KCNQ1OT1: variants seen among roughly 807,000 people sequenced by gnomAD.
KCNQ1OT1 encodes KCNQ1 opposite strand/antisense transcript 1.
rs180782813 is a variant in KCNQ1OT1, at chr11:2,652,693, G to T, written n.47302C>A. 107 of 398,864 alleles carry T rather than the reference G, an allele frequency of 2.7e-4. No homozygotes were observed. The highest frequency in any genetic ancestry group is 1.8e-3 in the African/African-American group (88 of 48,756). The allele number at this position is 398,864 out of a possible 1,614,324, so 24.7% of individuals were successfully genotyped here. A position where few individuals can be genotyped will look rare whatever the true frequency, so the allele number is the denominator to read the frequency against. On this transcript the variant is annotated non_coding_transcript_exon_variant, in exon 1 of 1. Transcript: ENST00000597346. This position sits in a 1 kb window ranked among gnomAD's most constrained non-coding sequence, Gnocchi z 5.9. ...CGATTTTAGTTGTGTGGGTGGCTGT[G>T]TTGCTCTCTTTCCGTTTCCTGGGCT...
chr11:2,697,683 T>C (rs1478425994), exon 1 of KCNQ1OT1: 1 of 398,534 alleles, frequency 2.5e-6, no homozygotes, highest in Non-Finnish European at 4.4e-6. Flanking sequence ...ATAAAGTTTC[T>C]GATATTGGAT....
rs1850025895 is a variant in KCNQ1OT1, at chr11:2,664,425, G to A, written n.35570C>T. ...GAGAGTGGGCACGTACAGTGTCAGG[G>A]CCTAGGAACCCAGGCTCCTCTGGGA... On this transcript the variant is annotated non_coding_transcript_exon_variant, in exon 1 of 1. Coordinates refer to ENST00000597346, the Ensembl canonical transcript of KCNQ1OT1. The surrounding 1 kb of genome is among the most constrained non-coding windows in gnomAD (Gnocchi z 5.1). 2 of 398,524 alleles carry A rather than the reference G, an allele frequency of 5.0e-6. No homozygotes were observed. The highest frequency in any genetic ancestry group is 4.4e-5 in the Admixed American group (1 of 22,718). The allele number at this position is 398,524 out of a possible 1,614,324, so 24.7% of individuals were successfully genotyped here.
chr11:2,657,514 C>T lies in KCNQ1OT1; in HGVS notation n.42481G>A, dbSNP rs1288114551. On this transcript the variant is annotated non_coding_transcript_exon_variant, in exon 1 of 1. Coordinates refer to ENST00000597346, the Ensembl canonical transcript of KCNQ1OT1. The surrounding 1 kb of genome is among the most constrained non-coding windows in gnomAD (Gnocchi z 4.8). ...ACATTTTTTATTTACAGAAGAGAAACAAAAATAGTACCGAGTACCCACATC... is the reference window on the plus strand; with the variant it reads ...ACATTTTTTATTTACAGAAGAGAAATAAAAATAGTACCGAGTACCCACATC... 1 of 398,360 alleles carries T rather than the reference C, an allele frequency of 2.5e-6. No individual in the cohort carries two copies. Among genetic ancestry groups the T allele is most frequent in the East Asian group, 3.6e-5 (1 of 28,058 alleles). 24.7% of individuals were successfully genotyped at this position (398,360 alleles called of 1,614,324 possible). A position where few individuals can be genotyped will look rare whatever the true frequency, so the allele number is the denominator to read the frequency against.
exon 1 of KCNQ1OT1, chr11:2,693,453 C>T: frequency 2.5e-6 from 1 of 398,684 alleles, no homozygotes; most frequent in African/African-American, 2.1e-5. Context: ...CATCGAGTCC[C>T]CATTCTCTAA....
At chr11:2,681,740 C>G (rs918108486) in exon 1 of KCNQ1OT1, 1 of 397,764 alleles carries the variant, frequency 2.5e-6, no homozygotes, top group Non-Finnish European at 4.4e-6. Context: ...GGGCACTGAT[C>G]ACACACCAGG....
At position 2,658,967 on chromosome 11, in the gene KCNQ1OT1, TAG is replaced by T. The variant is rs1849901534; in HGVS notation, n.41026_41027del. The T allele has an allele frequency of 1.0e-5, 4 of 398,454 alleles. No individual in the cohort carries two copies. The highest frequency in any genetic ancestry group is 1.3e-4 in the South Asian group (1 of 7,858). The allele number at this position is 398,454 out of a possible 1,614,324, so 24.7% of individuals were successfully genotyped here. ...TTAGGACAGACTTTTGCTTTAACCATAGAGTGTCCAGTCAAAACAGTGTTTTT... is the reference window on the plus strand; with the variant it reads ...TTAGGACAGACTTTTGCTTTAACCATAGTGTCCAGTCAAAACAGTGTTTTT... On this transcript the variant is annotated non_coding_transcript_exon_variant, in exon 1 of 1. Coordinates refer to ENST00000597346, the Ensembl canonical transcript of KCNQ1OT1. This position sits in a 1 kb window ranked among gnomAD's most constrained non-coding sequence, Gnocchi z 4.9.
rs900261762 is a variant in KCNQ1OT1, at chr11:2,614,358, T to C, written n.85637A>G. The stretch of plus-strand genomic sequence containing the variant: ...TTTAGTCTTCTGTGCACCCTTTAAA[T>C]TTTTTAAGTAACAGAAACCATTTCA... On this transcript the variant is annotated non_coding_transcript_exon_variant, in exon 1 of 1. Transcript: ENST00000597346. 1.8e-5 allele frequency: 7 copies of C among 398,528 alleles called. No individual in the cohort carries two copies. The Admixed American group carries it at 2.2e-4, about 13-fold the overall frequency. 24.7% of individuals were successfully genotyped at this position (398,528 alleles called of 1,614,324 possible).
Position 2,690,550 on chromosome 11 carries a change from G to C in KCNQ1OT1, n.9445C>G. On this transcript the variant is annotated non_coding_transcript_exon_variant, in exon 1 of 1. Transcript: ENST00000597346. The surrounding 1 kb of genome is among the most constrained non-coding windows in gnomAD (Gnocchi z 5.1). ...TGCCACTGGGCCTAGGGAAGGACAA[G>C]AAGTAACATGTCAAAGATGGGACAG... 1 of 398,700 alleles carries C rather than the reference G, an allele frequency of 2.5e-6. No individual in the cohort carries two copies. The highest frequency in any genetic ancestry group is 4.4e-6 in the Non-Finnish European group (1 of 226,098). 24.7% of individuals were successfully genotyped at this position (398,700 alleles called of 1,614,324 possible).
At chr11:2,662,895 C>T (rs1052829936) in exon 1 of KCNQ1OT1, 11 of 398,628 alleles carry the variant, frequency 2.8e-5, no homozygotes, top group Non-Finnish European at 3.5e-5. Context: ...GTTCTTTGGA[C>T]TCTCTGGGGG....
rs1848919835 is a variant in KCNQ1OT1 at position 2,608,558 on chromosome 11, C to A, written n.91437G>T. On this transcript the variant is annotated non_coding_transcript_exon_variant, in exon 1 of 1. Transcript: ENST00000597346. This position sits in a 1 kb window ranked among gnomAD's most constrained non-coding sequence, Gnocchi z 4.6. The stretch of plus-strand genomic sequence containing the variant: ...TGGTGTAATCATAGCTCACTGTAAC[C>A]TCGATCTCCTAGTCTCAAGTGATCC... 1 of 398,574 alleles carries A rather than the reference C, an allele frequency of 2.5e-6. No homozygotes were observed. The highest frequency in any genetic ancestry group is 3.6e-5 in the East Asian group (1 of 28,070). The allele number at this position is 398,574 out of a possible 1,614,324, so 24.7% of individuals were successfully genotyped here.
chr11:2,662,905 G>C (rs1038645053), exon 1 of KCNQ1OT1: 3 of 398,684 alleles, frequency 7.5e-6, no homozygotes, highest in Non-Finnish European at 1.3e-5. Flanking sequence ...CTCTCTGGGG[G>C]TCAGGAGGTT....
rs34219164 is a variant in KCNQ1OT1 at position 2,674,832 on chromosome 11, T to TAA, written n.25161_25162dup. 2,050 of 300,970 alleles carry TAA rather than the reference T, an allele frequency of 6.8e-3. 10 individuals are homozygous for TAA. The highest frequency in any genetic ancestry group is 0.013 in the Middle Eastern group (16 of 1,260). 18.6% of individuals were successfully genotyped at this position (300,970 alleles called of 1,614,324 possible). A position where few individuals can be genotyped will look rare whatever the true frequency, so the allele number is the denominator to read the frequency against. On this transcript the variant is annotated non_coding_transcript_exon_variant, in exon 1 of 1. Coordinates refer to ENST00000597346, the Ensembl canonical transcript of KCNQ1OT1. This position sits in a 1 kb window ranked among gnomAD's most constrained non-coding sequence, Gnocchi z 5.9. Reference sequence around the variant, plus strand: ...GCTTGTCACCCTAATAGCTGTTTTTTAAAAAAAAAAAAAAAAAAAAAAAAA... The same window carrying TAA: ...GCTTGTCACCCTAATAGCTGTTTTTTAAAAAAAAAAAAAAAAAAAAAAAAAAA...
chr11:2,686,297 C>T (rs1457849256), exon 1 of KCNQ1OT1: 3 of 398,758 alleles, frequency 7.5e-6, no homozygotes, highest in South Asian at 1.3e-4. Context: ...GGCCAGACCA[C>T]AGACCACACT....
chr11:2,696,484 C>T (rs1386002068), exon 1 of KCNQ1OT1: 1 of 398,506 alleles, frequency 2.5e-6, no homozygotes, highest in Non-Finnish European at 4.4e-6. Context: ...TGGCGTGTGC[C>T]CTGGTATCTG....
rs192041669 is a variant in KCNQ1OT1, at chr11:2,690,578, C to T, written n.9417G>A. ...GTAACATGTCAAAGATGGGACAGAA[C>T]CCACCTCCTGGCAGGGAGTGGGGCA... On this transcript the variant is annotated non_coding_transcript_exon_variant, in exon 1 of 1. Transcript: ENST00000597346. The surrounding 1 kb of genome is among the most constrained non-coding windows in gnomAD (Gnocchi z 5.1). 2.0e-5 allele frequency: 8 copies of T among 398,670 alleles called. No homozygotes were observed. The Admixed American group carries it at 2.2e-4, about 11-fold the overall frequency. 24.7% of individuals were successfully genotyped at this position (398,670 alleles called of 1,614,324 possible).
exon 1 of KCNQ1OT1, chr11:2,660,617 A>T (rs1284252131): frequency 2.5e-6 from 1 of 398,548 alleles, no homozygotes; most frequent in African/African-American, 2.1e-5. Flanking sequence ...TGCCAAGCCC[A>T]TAAAAGGTAT....
rs1182019253 is a variant in KCNQ1OT1 at position 2,642,130 on chromosome 11, T to A, written n.57865A>T. On this transcript the variant is annotated non_coding_transcript_exon_variant, in exon 1 of 1. Transcript: ENST00000597346. This position sits in a 1 kb window ranked among gnomAD's most constrained non-coding sequence, Gnocchi z 4.3. The stretch of plus-strand genomic sequence containing the variant: ...CTCTTTTTTGGTTCCATCTGAATTT[T>A]AGGATTTTTTCTATTTCCATGAAAA... The A allele has an allele frequency of 5.0e-6, 2 of 398,366 alleles. No individual in the cohort carries two copies. Among genetic ancestry groups the A allele is most frequent in the Non-Finnish European group, 8.9e-6 (2 of 225,978 alleles). The allele number at this position is 398,366 out of a possible 1,614,324, so 24.7% of individuals were successfully genotyped here. A position where few individuals can be genotyped will look rare whatever the true frequency, so the allele number is the denominator to read the frequency against.
At position 2,690,715 on chromosome 11, in the gene KCNQ1OT1, G is replaced by T; in HGVS notation, n.9280C>A. 1 of 398,626 alleles carries T rather than the reference G, an allele frequency of 2.5e-6. No homozygotes were observed. The highest frequency in any genetic ancestry group is 1.3e-4 in the South Asian group (1 of 7,852). 24.7% of individuals were successfully genotyped at this position (398,626 alleles called of 1,614,324 possible). ...CAGAATTCCTGAGGGCTTTCCATTT[G>T]ATCCCAGTGGTTGAAGATGGAGTAT... On this transcript the variant is annotated non_coding_transcript_exon_variant, in exon 1 of 1. Transcript: ENST00000597346. This position sits in a 1 kb window ranked among gnomAD's most constrained non-coding sequence, Gnocchi z 5.1.
exon 1 of KCNQ1OT1, chr11:2,688,796 C>A (rs754643894): frequency 3.3e-5 from 13 of 398,670 alleles, no homozygotes; most frequent in Non-Finnish European, 5.3e-5. Context: ...TGCCCTCCCC[C>A]ACACACAGCC....
Sources: allele counts gnomAD v4.1 joint callset, GRCh38; gene constraint gnomAD v4.1.1; non-coding constraint Gnocchi (gnomAD v3.1); transcripts MANE v1.5; gene names NCBI Gene and HGNC (gene_info 2026-07-23, HGNC 2026-07-21).